The following FMR1NB variants were observed in gnomAD, a reference collection of about 807,000 sequenced individuals.
The protein encoded by FMR1NB is FMR1 neighbor protein.
A neutral mutation model predicts 16.8 loss-of-function variants in FMR1NB; 10 were observed. The observed-to-expected ratio is 0.60, with a 90% CI of 0.37 to 1.01. The LOEUF is 1.01. Ranked by LOEUF, FMR1NB falls within the 50% of genes least tolerant of loss-of-function variation. The pLI, the probability that FMR1NB is intolerant of heterozygous loss-of-function variation, is 0.01. For missense variants in FMR1NB, 205 were observed against 204.8 expected (o/e 1.00, Z 0.00); for synonymous variants, 83 against 79.1 (o/e 1.05, Z -0.26).
intron 1 of FMR1NB, among the ~76,000 whole-genome samples, chrX:147,997,080 G>T (rs904517634): frequency 2.2e-4 from 25 of 111,464 alleles, no homozygotes; most frequent in African/African-American, 7.8e-4. Flanking sequence ...GCTGGTGGGA[G>T]ACTTTGGAGA....
rs372556813 is a variant in FMR1NB, at chrX:148,003,194, T to C, written c.278-7T>C. The C allele has an allele frequency of 1.1e-4, 136 of 1,205,660 alleles. 1 individual carries two copies. Among genetic ancestry groups the C allele is most frequent in the Non-Finnish European group, 1.3e-4 (117 of 892,394 alleles). On this transcript the variant is annotated splice_polypyrimidine_tract_variant and splice_region_variant and intron_variant, in intron 1 of 5. Transcript: ENST00000370467. ...TGTTGGGATTAATAATTTTACTTCT[T>C]CTTAAGGGTCCTCATATTTTGTGCT... is the stretch of plus-strand genomic sequence containing the variant.
At chrX:147,993,469 A>G (rs1321981296) in intron 1 of FMR1NB, among the ~76,000 whole-genome samples, 2 of 110,776 alleles carry the variant, frequency 1.8e-5, no homozygotes, top group African/African-American at 6.6e-5. Context: ...CACCATTCCA[A>G]AAGTTTTTCT....
At chrX:148,000,325 T>TG (rs2044564389) in intron 1 of FMR1NB, among the ~76,000 whole-genome samples, 1 of 111,959 alleles carries the variant, frequency 8.9e-6, no homozygotes, top group Admixed American at 9.5e-5. Flanking sequence ...TCCCAAACCT[T>TG]TAATGGATCA....
chrX:148,014,335 A>T (rs1557189910), intron 4 of FMR1NB, among the ~76,000 whole-genome samples: 1 of 111,034 alleles, frequency 9.0e-6, no homozygotes, highest in Admixed American at 9.6e-5. Flanking sequence ...ATATACCTGG[A>T]CTCCTAATCT....
rs782604998 is a variant in FMR1NB at position 148,024,942 on chromosome X, G to C, written c.710G>C (p.Arg237Thr). The C allele has an allele frequency of 2.5e-6, 3 of 1,209,554 alleles. No homozygotes were observed. The highest frequency in any genetic ancestry group is 3.4e-6 in the Non-Finnish European group (3 of 894,815). Residue 237 changes from arginine (R) to threonine (T), a missense_variant, in exon 5 of 6, where the codon AGG becomes ACG. Coordinates refer to ENST00000370467, the MANE Select transcript of FMR1NB (RefSeq NM_152578.3). ...AAGAAACAAAGAAGGAAGCGAAAGA[G>C]GAAGTCTGAAATGTTACAGAAAGCA... is the stretch of plus-strand genomic sequence containing the variant. ...GLKKQRRKRKRKSEMLQKAAR... is the reference protein window; with the variant it reads ...GLKKQRRKRKTKSEMLQKAAR...
intron 1 of FMR1NB, among the ~76,000 whole-genome samples, chrX:147,983,627 A>G (rs1361865451): frequency 1.8e-5 from 2 of 112,261 alleles, no homozygotes; most frequent in African/African-American, 6.5e-5. Context: ...TATTCTGGAT[A>G]CTGGATCCTT....
At chrX:147,985,563 G>A (rs1227443951) in intron 1 of FMR1NB, among the ~76,000 whole-genome samples, 2 of 110,961 alleles carry the variant, frequency 1.8e-5, no homozygotes, top group Non-Finnish European at 3.8e-5. Context: ...GTGAGAACAT[G>A]CGGTGTTTAG....
At chrX:148,012,866 A>G (rs1247949299) in intron 4 of FMR1NB, among the ~76,000 whole-genome samples, 1 of 112,347 alleles carries the variant, frequency 8.9e-6, no homozygotes, top group Non-Finnish European at 1.9e-5. Context: ...ATCTCATTAT[A>G]CTGTACAATA....
At position 147,981,553 on chromosome X, in the gene FMR1NB, G is replaced by A. The variant is rs2044446442; in HGVS notation, c.151G>A (p.Asp51Asn). The change falls in exon 1 of 6, where the codon GAC becomes AAC. Residue 51 changes from aspartate to asparagine, a missense_variant. Coordinates refer to ENST00000370467, the MANE Select transcript of FMR1NB (RefSeq NM_152578.3). The part of the protein sequence containing the change: ...SHPGYEAAMA[D>N]RPQPGWRESL... The stretch of plus-strand genomic sequence containing the variant: ...TCCTGGATACGAGGCCGCCATGGCT[G>A]ACAGGCCTCAGCCAGGATGGCGGGA... 1 of 1,212,154 alleles carries A rather than the reference G, an allele frequency of 8.2e-7. No homozygotes were observed. The highest frequency in any genetic ancestry group is 3.0e-5 in the East Asian group (1 of 33,817).
In FMR1NB at chrX:148,003,241, C is replaced by T. The variant is rs1569546668; in HGVS notation, c.318C>T (p.Pro106=). The T allele has an allele frequency of 9.1e-6, 11 of 1,208,614 alleles. No homozygotes were observed. The highest frequency in any genetic ancestry group is 1.7e-5 in the African/African-American group (1 of 57,260). The stretch of plus-strand genomic sequence containing the variant: ...TGCTTGCAAATGGACATATCCTGCC[C>T]AACAGTGAAAATGCTCATGGCCAAT... ...YFVLANGHIL[P]NSENAHGQSL... The change falls in exon 2 of 6, where the codon CCC becomes CCT. Residue 106 remains proline, a synonymous_variant. Transcript: ENST00000370467.
At chrX:148,001,964 C>G (rs1327403537) in intron 1 of FMR1NB, among the ~76,000 whole-genome samples, 1 of 110,553 alleles carries the variant, frequency 9.0e-6, no homozygotes, top group Admixed American at 9.7e-5. Flanking sequence ...CGTATCCCTA[C>G]TCCACAACAC....
intron 1 of FMR1NB, among the ~76,000 whole-genome samples, chrX:147,996,140 T>A (rs1395940987): frequency 8.9e-6 from 1 of 111,837 alleles, no homozygotes; most frequent in Non-Finnish European, 1.9e-5. Flanking sequence ...AAATGGAAAG[T>A]TGACCATATT....
rs1651343492 is a variant in FMR1NB, at chrX:147,981,438, TAGG to T, written c.39_41del (p.Arg14del). The T allele has an allele frequency of 8.3e-7, 1 of 1,210,943 alleles. No homozygotes were observed. The highest frequency in any genetic ancestry group is 1.8e-5 in the South Asian group (1 of 56,913). ...ATAGGAGGAAAGCGAAGGGGAGGAA[TAGG>T]AGAAGTCACCGTGCCATGCGTGTGG... On this transcript the variant is annotated inframe_deletion, in exon 1 of 6. Transcript: ENST00000370467.
intron 1 of FMR1NB, among the ~76,000 whole-genome samples, chrX:148,000,547 G>T (rs2044565587): frequency 8.9e-6 from 1 of 111,927 alleles, no homozygotes; most frequent in African/African-American, 3.2e-5. Flanking sequence ...AAGAATGCAA[G>T]AATATTTTAA....
At chrX:148,009,843 T>C (rs2044614848) in intron 4 of FMR1NB, among the ~76,000 whole-genome samples, 1 of 112,314 alleles carries the variant, frequency 8.9e-6, no homozygotes, top group African/African-American at 3.2e-5. Context: ...CTGCCTTACT[T>C]TGGATGAAGA....
chrX:147,998,155 G>T (rs868933485), intron 1 of FMR1NB, among the ~76,000 whole-genome samples: 1 of 112,328 alleles, frequency 8.9e-6, no homozygotes, highest in African/African-American at 3.2e-5. Flanking sequence ...ACATGCACAC[G>T]TATGTTTATT....
At chrX:148,019,517 C>T (rs1557190443) in intron 4 of FMR1NB, among the ~76,000 whole-genome samples, 2 of 111,597 alleles carry the variant, frequency 1.8e-5, no homozygotes, top group Non-Finnish European at 3.8e-5. Flanking sequence ...TTGTACTGTT[C>T]ACTATCTGGG....
At chrX:148,002,849 C>T (rs1022556990) in intron 1 of FMR1NB, among the ~76,000 whole-genome samples, 5 of 111,976 alleles carry the variant, frequency 4.5e-5, no homozygotes, top group African/African-American at 1.6e-4. Context: ...TTTTCCAAGA[C>T]TTTCTGTGAT....
At chrX:147,995,398 A>G (rs1392267419) in intron 1 of FMR1NB, among the ~76,000 whole-genome samples, 1 of 112,155 alleles carries the variant, frequency 8.9e-6, no homozygotes, top group African/African-American at 3.2e-5. Flanking sequence ...AATGGTACTG[A>G]CAGGAATTGA....
Sources: gnomAD v4.1 joint callset for allele counts (sites outside exome capture counted in the v4.1 genomes callset) on GRCh38, gnomAD v4.1.1 for gene constraint, MANE v1.5 for transcripts, NCBI Gene and HGNC (gene_info 2026-07-23, HGNC 2026-07-21) for gene names.